CNTNAP2: variants seen among roughly 807,000 people sequenced by gnomAD.
The protein encoded by CNTNAP2 is contactin-associated protein-like 2.
Under a neutral mutation model 155.2 loss-of-function variants are expected in CNTNAP2, and 98 were observed. The ratio of observed to expected loss-of-function variants is 0.63; its 90% confidence interval spans 0.54 to 0.75. CNTNAP2 has a LOEUF of 0.75. Among genes scored for constraint, CNTNAP2 ranks in the 30% least tolerant of loss-of-function variants. The probability of loss-of-function intolerance (pLI) is 0.00; values close to 1 mark genes in which losing one functional copy is unlikely to be tolerated. For synonymous variants in CNTNAP2, 651 were observed against 631.2 expected (o/e 1.03, Z -0.47); for missense variants, 1,727 against 1,688.1 (o/e 1.02, Z -0.40).
intron 8 of CNTNAP2, among the ~76,000 whole-genome samples, chr7:147,183,989 G>A (rs770967711): frequency 6.6e-6 from 1 of 152,036 alleles, no homozygotes; most frequent in Non-Finnish European, 1.5e-5. Flanking sequence ...AGAATTTGTA[G>A]GTCTTTAAAA....
intron 6 of CNTNAP2, among the ~76,000 whole-genome samples, chr7:147,124,939 G>A (rs1242433457): frequency 7.0e-6 from 1 of 143,860 alleles, no homozygotes; most frequent in Non-Finnish European, 1.5e-5. Flanking sequence ...GGAGTGCAGT[G>A]GCGCGATTTT....
chr7:147,858,169 C>G (rs1012989171), intron 13 of CNTNAP2, among the ~76,000 whole-genome samples: 3 of 152,168 alleles, frequency 2.0e-5, no homozygotes, highest in African/African-American at 7.2e-5. Flanking sequence ...CTTACTGCAA[C>G]CTCCACCTCC....
At chr7:147,778,541 C>G (rs945436472) in intron 13 of CNTNAP2, among the ~76,000 whole-genome samples, 1 of 152,222 alleles carries the variant, frequency 6.6e-6, no homozygotes, top group East Asian at 1.9e-4. Flanking sequence ...GATTAGCCCA[C>G]TGATTGATAA....
At chr7:148,308,758 GAT>G (rs1167584568) in intron 21 of CNTNAP2, among the ~76,000 whole-genome samples, 1 of 144,372 alleles carries the variant, frequency 6.9e-6, no homozygotes, top group Admixed American at 7.2e-5. Flanking sequence ...CCCGGTGTGT[GAT>G]GTCCCCCTCC....
At chr7:146,724,179 C>CAA (rs1223950080) in intron 1 of CNTNAP2, among the ~76,000 whole-genome samples, 1 of 152,092 alleles carries the variant, frequency 6.6e-6, no homozygotes, top group African/African-American at 2.4e-5. Context: ...TGCCAATTTG[C>CAA]TATCTCAAGG....
intron 9 of CNTNAP2, among the ~76,000 whole-genome samples, chr7:147,329,838 CAT>C (rs2116838761): frequency 6.6e-6 from 1 of 152,216 alleles, no homozygotes; most frequent in East Asian, 1.9e-4. Context: ...GCACTTATGA[CAT>C]AGAAATGGTC....
intron 1 of CNTNAP2, among the ~76,000 whole-genome samples, chr7:146,579,475 C>G (rs1219960681): frequency 6.6e-6 from 1 of 152,086 alleles, no homozygotes; most frequent in Non-Finnish European, 1.5e-5. Flanking sequence ...AATGCCAGCC[C>G]ACTGAGAAGT....
intron 1 of CNTNAP2, among the ~76,000 whole-genome samples, chr7:146,557,093 C>T (rs779675816): frequency 2.2e-4 from 33 of 152,118 alleles, no homozygotes; most frequent in Non-Finnish European, 3.4e-4. Context: ...TGCAGTTGTA[C>T]GTAATAATGA....
chr7:147,838,607 C>T (rs1798670270), intron 13 of CNTNAP2, among the ~76,000 whole-genome samples: 3 of 152,214 alleles, frequency 2.0e-5, no homozygotes. Context: ...TGCTGTCAGT[C>T]TCTTTGCTAA....
rs398124268 is a variant in CNTNAP2 at position 147,903,619 on chromosome 7, G to A, written c.2153G>A (p.Trp718Ter). 6 of 1,614,056 alleles carry A rather than the reference G, an allele frequency of 3.7e-6. No individual in the cohort carries two copies. Among genetic ancestry groups the A allele is most frequent in the Non-Finnish European group, 5.1e-6 (6 of 1,180,018 alleles). The change falls in exon 14 of 24, where the codon TGG becomes TAG. Residue 718 changes from tryptophan (W) to a stop codon, truncating the protein, a stop_gained. Coordinates refer to ENST00000361727, the MANE Select transcript of CNTNAP2 (RefSeq NM_014141.6). LOFTEE classifies it high-confidence loss of function. ...AAAGCCAACGAGAAGCACTACTACT[G>A]GGGAGGCTCTGGGCCTGGAATCCAG... Reference protein sequence around the residue: ...VGKANEKHYYWGGSGPGIQKC... With the variant: ...VGKANEKHYY
chr7:147,292,715 T>C (rs950079188), intron 8 of CNTNAP2, among the ~76,000 whole-genome samples: 19 of 152,128 alleles, frequency 1.2e-4, no homozygotes, highest in African/African-American at 4.3e-4. Flanking sequence ...AAGAAAAGAA[T>C]TCATCCCATC....
intron 3 of CNTNAP2, among the ~76,000 whole-genome samples, chr7:147,039,112 A>G (rs1244518380): frequency 2.0e-5 from 3 of 152,204 alleles, no homozygotes; most frequent in Non-Finnish European, 4.4e-5. Flanking sequence ...TAGGATTTAC[A>G]TATAAAAACA....
Position 148,118,308 on chromosome 7 carries a change from C to A in CNTNAP2, c.2554+20C>A. 6.2e-7 allele frequency: 1 copy of A among 1,613,694 alleles called. No homozygotes were observed. Among genetic ancestry groups the A allele is most frequent in the South Asian group, 1.1e-5 (1 of 91,022 alleles). ...TGAAGTGTGAGTATAAGTTGCTTGT[C>A]AACTCATGGGGAGCCACTTTCGTCA... On this transcript the variant is annotated intron_variant, in intron 16 of 23. Coordinates refer to ENST00000361727, the MANE Select transcript of CNTNAP2 (RefSeq NM_014141.6).
chr7:147,607,622 T>G (rs10279095), intron 12 of CNTNAP2, among the ~76,000 whole-genome samples: 103,236 of 151,306 alleles, frequency 0.68, 35,616 homozygotes, highest in African/African-American at 0.78. Flanking sequence ...AGACACAGAC[T>G]GTGATGTGAA....
intron 1 of CNTNAP2, among the ~76,000 whole-genome samples, chr7:146,132,022 T>G (rs1477931077): frequency 3.3e-5 from 5 of 152,210 alleles, no homozygotes; most frequent in Admixed American, 6.5e-5. Flanking sequence ...AGTGAGTCAA[T>G]TAAACTTTCT....
intron 14 of CNTNAP2, among the ~76,000 whole-genome samples, chr7:147,928,514 G>A (rs780526015): frequency 2.0e-4 from 31 of 152,098 alleles, no homozygotes; most frequent in Non-Finnish European, 7.4e-5. Context: ...AAACTTTAAA[G>A]CGATGAATTG....
At chr7:147,610,707 G>A (rs770538219) in intron 12 of CNTNAP2, among the ~76,000 whole-genome samples, 6 of 152,060 alleles carry the variant, frequency 3.9e-5, no homozygotes, top group African/African-American at 1.4e-4. Context: ...CCAGGCAAAC[G>A]TCCTAAAACA....
chr7:146,439,213 A>AT (rs1245531450), intron 1 of CNTNAP2, among the ~76,000 whole-genome samples: 2 of 151,458 alleles, frequency 1.3e-5, no homozygotes, highest in East Asian at 3.8e-4. Flanking sequence ...TAAGATATTC[A>AT]TTTTTTAAAA....
chr7:147,213,346 T>C (rs983320290), intron 8 of CNTNAP2, among the ~76,000 whole-genome samples: 11 of 152,140 alleles, frequency 7.2e-5, no homozygotes, highest in African/African-American at 2.7e-4. Context: ...GTTTGCTGAT[T>C]CAAATAATAA....
Sources: allele counts gnomAD v4.1 joint callset (sites outside exome capture counted in the v4.1 genomes callset), GRCh38; gene constraint gnomAD v4.1.1; transcripts MANE v1.5; gene names NCBI Gene and HGNC (gene_info 2026-07-23, HGNC 2026-07-21).